The following CTBP2 variants were observed in gnomAD, a reference collection of about 807,000 sequenced individuals.
CTBP2 encodes C-terminal-binding protein 2.
CTBP2 carries 30 observed loss-of-function variants against 80.3 expected under a neutral mutation model. The ratio of observed to expected loss-of-function variants is 0.37; its 90% confidence interval spans 0.28 to 0.51. The LOEUF (loss-of-function observed/expected upper bound fraction) is 0.51. Ranked by LOEUF, CTBP2 falls within the 20% of genes least tolerant of loss-of-function variation. CTBP2 has a pLI of 0.93. For synonymous variants in CTBP2, 594 were observed against 587.4 expected, an observed-to-expected ratio of 1.01 and a Z score of -0.16; for missense variants, 1,212 against 1,375.3, an observed-to-expected ratio of 0.88 and a Z score of 1.88.
intron 2 of CTBP2, among the ~76,000 whole-genome samples, chr10:125,069,892 C>CA (rs1027364559): frequency 5.4e-5 from 7 of 130,448 alleles, no homozygotes; most frequent in South Asian, 2.8e-4. Flanking sequence ...CCCCCTCCCC[C>CA]CCCCACACAA....
intron 1 of CTBP2, among the ~76,000 whole-genome samples, chr10:125,134,712 C>A (rs1013334678): frequency 3.3e-5 from 5 of 152,110 alleles, no homozygotes; most frequent in Non-Finnish European, 7.4e-5. Context: ...GGTGAAGCGC[C>A]CAGCACCCTG....
intron 2 of CTBP2, among the ~76,000 whole-genome samples, chr10:125,108,208 T>C (rs1247388864): frequency 3.3e-5 from 5 of 152,224 alleles, no homozygotes; most frequent in African/African-American, 7.2e-5. Flanking sequence ...AGAACGAGCC[T>C]CTTGTCAGGA....
chr10:125,030,237 G>T (rs1958038279), upstream of CTBP2, among the ~76,000 whole-genome samples: 1 of 152,050 alleles, frequency 6.6e-6, no homozygotes. Context: ...AGTGAGATGG[G>T]ACCCATTAGA....
chr10:124,994,790 G>T, intron 4 of CTBP2, 107 bp from the exon 7 acceptor site: 1 of 1,107,792 alleles, frequency 9.0e-7, no homozygotes, highest in Non-Finnish European at 1.3e-6. Context: ...CCCGCTGGTA[G>T]CTGCTGCCAG....
intron 3 of CTBP2, 42 bp downstream of exon 3, chr10:125,038,955 G>T (rs1326226535): frequency 6.3e-7 from 1 of 1,597,054 alleles, no homozygotes. Flanking sequence ...TTTGAGTGAG[G>T]GACTACGTAT....
chr10:125,136,242 C>A (rs1323704532), intron 1 of CTBP2, among the ~76,000 whole-genome samples: 1 of 152,174 alleles, frequency 6.6e-6, no homozygotes. Flanking sequence ...GAGGCCCAGG[C>A]TGGCCCCTCA....
At chr10:125,128,052 G>C (rs1855551483) in intron 1 of CTBP2, among the ~76,000 whole-genome samples, 2 of 152,204 alleles carry the variant, frequency 1.3e-5, no homozygotes, top group Non-Finnish European at 2.9e-5. Context: ...ACTTGGAAGA[G>C]CTGGCTGCAG....
Position 125,151,513 on chromosome 10 carries a change from G to A in CTBP2, c.-206+8806C>T, listed in dbSNP as rs760198291. Among the ~76,000 whole-genome samples, 153 of 152,340 alleles carry A rather than the reference G, an allele frequency of 1.0e-3. 1 individual carries two copies. The highest frequency in any genetic ancestry group is 1.9e-3 in the Non-Finnish European group (132 of 68,028). The stretch of plus-strand genomic sequence containing the variant: ...CGTGGTCACCCCCAAACACTGCCCA[G>A]GAGACGAGATCCCAAGCCGGTCAAG... On this transcript the variant is annotated intron_variant, in intron 1 of 10. Transcript: ENST00000337195.
Position 125,069,039 on chromosome 10 carries a change from G to A in CTBP2, c.-101-29884C>T, listed in dbSNP as rs543482795. On this transcript the variant is annotated intron_variant, in intron 2 of 10. Transcript: ENST00000337195. ...CAGAAGGGAACGATGCACTCACAGG[G>A]CTGGGGTAGAGCTGGTGCCCACCCC... Among the ~76,000 whole-genome samples the A allele has an allele frequency of 5.3e-5, 8 of 152,242 alleles. No individual in the cohort carries two copies. In the East Asian group the frequency reaches 1.5e-3, roughly 29 times the overall value.
chr10:125,089,142 C>T (rs979289397), intron 2 of CTBP2, among the ~76,000 whole-genome samples: 2 of 152,198 alleles, frequency 1.3e-5, no homozygotes, highest in Non-Finnish European at 2.9e-5. Flanking sequence ...CATAGTATTT[C>T]AGAGCCGTAT....
At chr10:125,085,059 G>C (rs1340015916) in intron 2 of CTBP2, among the ~76,000 whole-genome samples, 2 of 152,170 alleles carry the variant, frequency 1.3e-5, no homozygotes, top group African/African-American at 4.8e-5. Context: ...CAGCACTCCA[G>C]GTCTTGGCTC....
intron 1 of CTBP2, among the ~76,000 whole-genome samples, chr10:125,023,866 AAC>A (rs1957290141): frequency 6.6e-6 from 1 of 152,226 alleles, no homozygotes; most frequent in Non-Finnish European, 1.5e-5. Flanking sequence ...TAAGCAGTGC[AAC>A]ACCGCCCATC....
At position 125,116,983 on chromosome 10, in the gene CTBP2, A is replaced by G. The variant is rs1853432922; in HGVS notation, c.-205-5890T>C. ...CCCAGAGGACCCATGGGTTCCCTGA[A>G]GGACCAGGGACAGGCACTCAGCTGC... On this transcript the variant is annotated intron_variant, in intron 1 of 10. Transcript: ENST00000337195. Among the ~76,000 whole-genome samples, 2 of 152,194 alleles carry G rather than the reference A, an allele frequency of 1.3e-5. 1 individual carries two copies. Among genetic ancestry groups the G allele is most frequent in the South Asian group, 4.1e-4 (2 of 4,832 alleles).
intron 1 of CTBP2, among the ~76,000 whole-genome samples, chr10:125,012,474 C>G (rs529082817): frequency 6.6e-6 from 1 of 152,266 alleles, no homozygotes; most frequent in Non-Finnish European, 1.5e-5. Context: ...GTGGAATCTT[C>G]CAGGAGGACT....
At chr10:125,001,000 C>T (rs1264178188) in intron 3 of CTBP2, 3 of 152,282 alleles carry the variant, frequency 2.0e-5, no homozygotes, top group Non-Finnish European at 2.9e-5. Flanking sequence ...CCACCACTCA[C>T]AGCCCTTCTA....
chr10:125,056,804 G>A (rs147649222), intron 2 of CTBP2, among the ~76,000 whole-genome samples: 1,631 of 152,334 alleles, frequency 0.011, 20 homozygotes, highest in Non-Finnish European at 0.017. Flanking sequence ...GCAGCAATGC[G>A]GACAGGTCAC....
intron 2 of CTBP2, among the ~76,000 whole-genome samples, chr10:125,079,093 G>T (rs551682382): frequency 7.5e-5 from 11 of 146,600 alleles, no homozygotes; most frequent in Non-Finnish European, 1.3e-4. Flanking sequence ...GTTGCAGTGA[G>T]TCAAGATCAT....
intron 2 of CTBP2, among the ~76,000 whole-genome samples, chr10:125,081,414 G>A (rs1040726009): frequency 3.3e-5 from 5 of 152,192 alleles, no homozygotes; most frequent in Non-Finnish European, 1.5e-5. Context: ...CTTGTCTTAT[G>A]TGAAAGAATG....
In CTBP2 at chr10:124,987,398, A is replaced by G. The variant is rs1952080434; in HGVS notation, c.*2120T>C. 6.6e-6 allele frequency: 1 copy of G among 151,938 alleles called. No individual in the cohort carries two copies. The highest frequency in any genetic ancestry group is 6.6e-5 in the Admixed American group (1 of 15,262). 9.4% of individuals were successfully genotyped at this position (151,938 alleles called of 1,614,324 possible). Reference sequence around the variant, plus strand: ...TATATAAATTTTTGTTTGGGCGACCAAGATCTAATAATTAAAACCCAGGTG... The same window carrying G: ...TATATAAATTTTTGTTTGGGCGACCGAGATCTAATAATTAAAACCCAGGTG... On this transcript the variant is annotated 3_prime_UTR_variant, in exon 9 of 9. Transcript: ENST00000309035.
Sources: allele counts gnomAD v4.1 joint callset (sites outside exome capture counted in the v4.1 genomes callset), GRCh38; gene constraint gnomAD v4.1.1; transcripts MANE v1.5; gene names NCBI Gene and HGNC (gene_info 2026-07-23, HGNC 2026-07-21).